Variants in PGR observed in about 807,000 individuals in gnomAD.
PGR encodes progesterone receptor.
In PGR, 25 loss-of-function variants were observed where a neutral mutation model predicts 76.1. That is an observed-to-expected ratio of 0.33 (90% CI 0.24 to 0.46). The LOEUF (loss-of-function observed/expected upper bound fraction) is 0.46. Among genes scored for constraint, PGR ranks in the 20% least tolerant of loss-of-function variants. The probability of loss-of-function intolerance (pLI) is 1.00; values close to 1 mark genes in which losing one functional copy is unlikely to be tolerated. For missense variants in PGR, 1,172 were observed against 1,225.3 expected (o/e 0.96, Z 0.65); for synonymous variants, 579 against 535.0 (o/e 1.08, Z -1.14).
chr11:101,038,228 C>A lies in PGR; in HGVS notation c.*888G>T, dbSNP rs116318095. On this transcript the variant is annotated 3_prime_UTR_variant, in exon 8 of 8. Coordinates refer to ENST00000325455, the MANE Select transcript of PGR (RefSeq NM_000926.4). The stretch of plus-strand genomic sequence containing the variant: ...TGATTTGAAAAGATGTTAATAAGCT[C>A]TGACCCAAAGGAGCAATTGGCAGGA... The A allele has an allele frequency of 5.1e-6, 1 of 194,650 alleles. No homozygotes were observed. The highest frequency in any genetic ancestry group is 2.3e-5 in the African/African-American group (1 of 43,358). The allele number at this position is 194,650 out of a possible 1,614,324, so 12.1% of individuals were successfully genotyped here. A position where few individuals can be genotyped will look rare whatever the true frequency, so the allele number is the denominator to read the frequency against.
At chr11:101,075,057 T>C (rs966966908) in intron 3 of PGR, among the ~76,000 whole-genome samples, 1 of 152,184 alleles carries the variant, frequency 6.6e-6, no homozygotes, top group East Asian at 1.9e-4. Context: ...GGCATCAGGC[T>C]AGCTGACTTC....
intron 2 of PGR, among the ~76,000 whole-genome samples, chr11:101,093,167 CTTG>C (rs1356975586): frequency 6.6e-6 from 1 of 152,162 alleles, no homozygotes; most frequent in Non-Finnish European, 1.5e-5. Context: ...GTGTTCATCT[CTTG>C]TTTAGAGTCC....
intron 4 of PGR, among the ~76,000 whole-genome samples, chr11:101,058,567 A>C (rs1384999206): frequency 6.6e-6 from 1 of 152,198 alleles, no homozygotes; most frequent in Non-Finnish European, 1.5e-5. Flanking sequence ...TAAAAAATGC[A>C]AGGTTTAAAA....
intron 6 of PGR, among the ~76,000 whole-genome samples, chr11:101,046,250 C>T (rs959565777): frequency 3.4e-5 from 5 of 148,284 alleles, no homozygotes; most frequent in African/African-American, 7.5e-5. Context: ...CTCAGTTTCC[C>T]GGCTACCTGG....
Position 101,091,845 on chromosome 11 carries a change from A to G in PGR, c.1821T>C (p.Asn607=), listed in dbSNP as rs572691543. The change falls in exon 3 of 8, where the codon AAT becomes AAC. Residue 607 remains asparagine, a synonymous_variant. Coordinates refer to ENST00000325455, the MANE Select transcript of PGR (RefSeq NM_000926.4). ...TGCGGATTTTATCAACGATGCAGTC[A>G]TTTCTTCCAGCACATAAGTAGTTGT... is the stretch of plus-strand genomic sequence containing the variant. ...GQHNYLCAGR[N]DCIVDKIRRK... The G allele has an allele frequency of 1.2e-6, 2 of 1,609,430 alleles. No homozygotes were observed. Among genetic ancestry groups the G allele is most frequent in the South Asian group, 1.1e-5 (1 of 90,972 alleles).
chr11:101,076,995 C>G (rs1027037122), intron 3 of PGR, among the ~76,000 whole-genome samples: 2 of 71,816 alleles, frequency 2.8e-5, no homozygotes, highest in African/African-American at 1.1e-4. Context: ...TTTCCATTTT[C>G]TTTCTTTGCT....
intron 3 of PGR, among the ~76,000 whole-genome samples, chr11:101,069,299 AC>A: frequency 6.6e-6 from 1 of 152,336 alleles, no homozygotes; most frequent in African/African-American, 2.4e-5. Context: ...GCAAATCAAA[AC>A]CACAATGAGA....
In PGR at chr11:101,038,884, T is replaced by C. The variant is rs569473003; in HGVS notation, c.*232A>G. The C allele has an allele frequency of 3.1e-4, 134 of 432,186 alleles. No homozygotes were observed. The highest frequency in any genetic ancestry group is 2.4e-3 in the African/African-American group (121 of 50,186). 26.8% of individuals were successfully genotyped at this position (432,186 alleles called of 1,614,324 possible). ...TTTAACAATTTTAGTACTTTTTCAA[T>C]CTTGTAAATTCTTCAAGAAAATATG... On this transcript the variant is annotated 3_prime_UTR_variant, in exon 8 of 8. Coordinates refer to ENST00000325455, the MANE Select transcript of PGR (RefSeq NM_000926.4).
At chr11:101,066,512 C>A (rs1326254390) in intron 3 of PGR, among the ~76,000 whole-genome samples, 1 of 152,124 alleles carries the variant, frequency 6.6e-6, no homozygotes, top group Non-Finnish European at 1.5e-5. Flanking sequence ...TCTCTAATAT[C>A]ATCTAGACAT....
At chr11:101,088,596 T>C (rs2135452061) in intron 3 of PGR, among the ~76,000 whole-genome samples, 1 of 152,282 alleles carries the variant, frequency 6.6e-6, no homozygotes, top group African/African-American at 2.4e-5. Flanking sequence ...CCTCCCAAAG[T>C]GCTGGGATTA....
chr11:101,103,151 T>C, intron 2 of PGR, among the ~76,000 whole-genome samples: 1 of 151,666 alleles, frequency 6.6e-6, no homozygotes, highest in Non-Finnish European at 1.5e-5. Context: ...TAATGTATGT[T>C]CAATAGTTCA....
At chr11:101,049,710 AAG>A (rs1413288837) in intron 6 of PGR, among the ~76,000 whole-genome samples, 14 of 152,208 alleles carry the variant, frequency 9.2e-5, no homozygotes, top group Admixed American at 5.2e-4. Flanking sequence ...CTAAAATAAA[AAG>A]AAATTGATGA....
At chr11:101,100,002 A>C (rs528686887) in intron 2 of PGR, among the ~76,000 whole-genome samples, 1 of 152,338 alleles carries the variant, frequency 6.6e-6, no homozygotes, top group Non-Finnish European at 1.5e-5. Flanking sequence ...GAATTGGGGC[A>C]AAGAAGAAAT....
chr11:101,100,594 G>T (rs1471071716), intron 2 of PGR, among the ~76,000 whole-genome samples: 2 of 142,278 alleles, frequency 1.4e-5, no homozygotes, highest in Non-Finnish European at 3.1e-5. Flanking sequence ...GCTGATACTA[G>T]TATTTTGAAT....
intron 3 of PGR, among the ~76,000 whole-genome samples, chr11:101,083,904 G>C (rs1270567337): frequency 6.6e-6 from 1 of 152,146 alleles, no homozygotes; most frequent in Non-Finnish European, 1.5e-5. Flanking sequence ...GGGGACTGTT[G>C]GGAAGGCATG....
At chr11:101,082,930 G>A (rs1233348416) in intron 3 of PGR, among the ~76,000 whole-genome samples, 2 of 152,202 alleles carry the variant, frequency 1.3e-5, no homozygotes, top group Non-Finnish European at 2.9e-5. Context: ...TTAGTAAAGA[G>A]GAGTCAAATG....
chr11:101,093,736 G>C (rs1477049089), intron 2 of PGR, among the ~76,000 whole-genome samples: 2 of 152,218 alleles, frequency 1.3e-5, no homozygotes, highest in African/African-American at 2.4e-5. Context: ...TGGGATTACA[G>C]GCATGAGCCA....
intron 7 of PGR, among the ~76,000 whole-genome samples, chr11:101,041,421 T>TC (rs1285701459): frequency 6.6e-6 from 1 of 152,096 alleles, no homozygotes; most frequent in Non-Finnish European, 1.5e-5. Flanking sequence ...TTTTCTTTTT[T>TC]CCCCCTCTGC....
At chr11:101,064,720 A>G (rs1342807008) in intron 3 of PGR, among the ~76,000 whole-genome samples, 1 of 152,166 alleles carries the variant, frequency 6.6e-6, no homozygotes, top group African/African-American at 2.4e-5. Context: ...GAAGGAATAC[A>G]TTATTGTCTT....
Sources: gnomAD v4.1 joint callset for allele counts (sites outside exome capture counted in the v4.1 genomes callset) on GRCh38, gnomAD v4.1.1 for gene constraint, MANE v1.5 for transcripts, NCBI Gene and HGNC (gene_info 2026-07-23, HGNC 2026-07-21) for gene names.